The following ZNF346 variants were observed in gnomAD, a reference collection of about 807,000 sequenced individuals.
ZNF346 encodes the protein double-stranded RNA-binding zinc finger protein JAZ.
In ZNF346, 23 loss-of-function variants were observed where a neutral mutation model predicts 33.7. That is an observed-to-expected ratio of 0.68 (90% CI 0.49 to 0.97). The LOEUF (loss-of-function observed/expected upper bound fraction) is 0.97, where lower values mean the gene tolerates loss of function less well. Ranked by LOEUF, ZNF346 falls within the 50% of genes least tolerant of loss-of-function variation. The pLI is 0.00. For synonymous variants in ZNF346, 134 were observed against 142.4 expected, an observed-to-expected ratio of 0.94 and a Z score of 0.42; for missense variants, 340 against 371.1, an observed-to-expected ratio of 0.92 and a Z score of 0.69.
exon 9 of ZNF346, chr5:177,080,335 A>T (rs912657580): frequency 6.6e-6 from 1 of 152,226 alleles, no homozygotes; most frequent in Non-Finnish European, 1.5e-5. Context: ...CATAGCTGCA[A>T]ATATTCATAT....
In ZNF346 at chr5:177,023,247, G is replaced by A. The variant is rs768533894; in HGVS notation, c.175+334G>A. On this transcript the variant is annotated intron_variant, in intron 1 of 6. Transcript: ENST00000358149. ...CTTTGCCATCCCGGTAAGCCAAGCC[G>A]AGTGCCCCTCACCACTCCTTGACTC... 6.6e-6 allele frequency: 10 copies of A among 1,525,722 alleles called. No homozygotes were observed. The African/African-American group carries it at 1.2e-4, about 19-fold the overall frequency. The allele number at this position is 1,525,722 out of a possible 1,614,324, so 94.5% of individuals were successfully genotyped here. A position where few individuals can be genotyped will look rare whatever the true frequency, so the allele number is the denominator to read the frequency against.
chr5:177,046,627 G>A (rs1335365983), intron 4 of ZNF346, among the ~76,000 whole-genome samples: 26 of 152,088 alleles, frequency 1.7e-4, no homozygotes, highest in Non-Finnish European at 1.5e-5. Context: ...AGGAAAACAT[G>A]GATAAATGGA....
chr5:177,033,910 C>G (rs1361307528), intron 1 of ZNF346, among the ~76,000 whole-genome samples: 2 of 152,174 alleles, frequency 1.3e-5, no homozygotes, highest in Admixed American at 1.3e-4. Context: ...GAGACAGGGT[C>G]TCACTCCCTC....
Position 177,022,732 on chromosome 5 carries a change from G to A in ZNF346, c.-7G>A, listed in dbSNP as rs755955615. ...AGGCTCTCTACCGGTGAGGGTTTGCGGGGAAGATGGAGTATCCCGCGCCGG... is the reference window on the plus strand; with the variant it reads ...AGGCTCTCTACCGGTGAGGGTTTGCAGGGAAGATGGAGTATCCCGCGCCGG... On this transcript the variant is annotated 5_prime_UTR_variant, in exon 1 of 7. Coordinates refer to ENST00000358149, the MANE Select transcript of ZNF346 (RefSeq NM_012279.4). 1.8e-5 allele frequency: 28 copies of A among 1,547,832 alleles called. No individual in the cohort carries two copies. The highest frequency in any genetic ancestry group is 2.3e-5 in the Non-Finnish European group (27 of 1,151,760).
intron 1 of ZNF346, among the ~76,000 whole-genome samples, chr5:177,026,129 C>T (rs1201934985): frequency 6.6e-6 from 1 of 151,382 alleles, no homozygotes; most frequent in Admixed American, 6.6e-5. Context: ...CTCAGCGTCC[C>T]GAGTAGCTGG....
At chr5:177,073,626 G>T (rs1783605247) in intron 8 of ZNF346, among the ~76,000 whole-genome samples, 1 of 152,116 alleles carries the variant, frequency 6.6e-6, no homozygotes. Flanking sequence ...TGAGGGAGAT[G>T]ATCCTCTAGT....
chr5:177,023,087 G>C (rs1561951774), intron 1 of ZNF346, 174 bp downstream of exon 1: 1 of 1,448,424 alleles, frequency 6.9e-7, no homozygotes, highest in East Asian at 2.5e-5. Context: ...CGGGCCCCCA[G>C]CGCGCTGAGG....
chr5:177,055,121 C>T (rs1307358224), intron 5 of ZNF346, among the ~76,000 whole-genome samples: 2 of 150,462 alleles, frequency 1.3e-5, no homozygotes, highest in Non-Finnish European at 2.9e-5. Context: ...GCGACCTCTG[C>T]CTCCTGGGTT....
intron 1 of ZNF346, among the ~76,000 whole-genome samples, chr5:177,029,348 C>T (rs780612998): frequency 3.9e-5 from 6 of 152,142 alleles, no homozygotes; most frequent in African/African-American, 1.4e-4. Context: ...TGGGGATAGA[C>T]GCTCCTACAC....
rs779456329 is a variant in ZNF346, at chr5:177,077,851, A to T, written c.*3-1531A>T. On this transcript the variant is annotated intron_variant, in intron 8 of 8. Transcript: ENST00000503039. The surrounding 1 kb of genome is among the most constrained non-coding windows in gnomAD (Gnocchi z 5.0). ...AGGGTGGCCAGGAGGGATCTGAAAGAAAAAGGAATGCCTGGCCAGGCGCGG... is the reference window on the plus strand; with the variant it reads ...AGGGTGGCCAGGAGGGATCTGAAAGTAAAAGGAATGCCTGGCCAGGCGCGG... Among the ~76,000 whole-genome samples, 2 of 152,182 alleles carry T rather than the reference A, an allele frequency of 1.3e-5. No homozygotes were observed. Among genetic ancestry groups the T allele is most frequent in the African/African-American group, 4.8e-5 (2 of 41,456 alleles).
chr5:177,036,452 T>C (rs1778525372), intron 1 of ZNF346, among the ~76,000 whole-genome samples: 1 of 152,204 alleles, frequency 6.6e-6, no homozygotes, highest in Non-Finnish European at 1.5e-5. Context: ...TTTTGTATTG[T>C]TGGATCTGTG....
At chr5:177,047,857 T>G (rs1409405902) in intron 4 of ZNF346, among the ~76,000 whole-genome samples, 1 of 152,148 alleles carries the variant, frequency 6.6e-6, no homozygotes, top group Non-Finnish European at 1.5e-5. Flanking sequence ...CAGGCAGATC[T>G]CTAACTCCTG....
At chr5:177,035,773 C>CT (rs34835721) in intron 1 of ZNF346, among the ~76,000 whole-genome samples, 136,281 of 151,980 alleles carry the variant, frequency 0.9, 61,229 homozygotes, top group East Asian at 0.99. Context: ...GTAGCTGGGA[C>CT]ACAGGCACCT....
intron 4 of ZNF346, among the ~76,000 whole-genome samples, chr5:177,045,043 A>G (rs536147750): frequency 9.2e-5 from 14 of 152,282 alleles, no homozygotes; most frequent in Middle Eastern, 3.4e-3. Flanking sequence ...CTACTGCCCC[A>G]CAATCTGTAA....
intron 1 of ZNF346, among the ~76,000 whole-genome samples, chr5:177,038,461 A>T (rs570503401): frequency 9.2e-4 from 136 of 148,572 alleles, no homozygotes; most frequent in Middle Eastern, 3.5e-3. Flanking sequence ...TCTACCCCGT[A>T]CTCTGCTTGT....
At chr5:177,079,561 C>G (rs1783901446) in exon 9 of ZNF346, 1 of 152,194 alleles carries the variant, frequency 6.6e-6, no homozygotes, top group Admixed American at 6.5e-5. Context: ...GTCCTCAACC[C>G]TGACTTCAGA....
intron 1 of ZNF346, among the ~76,000 whole-genome samples, chr5:177,039,455 CTT>C (rs530601888): frequency 7.6e-5 from 11 of 145,552 alleles, no homozygotes; most frequent in Non-Finnish European, 1.5e-4. Context: ...AGGGCATCGA[CTT>C]TTTTTTTTTT....
intron 1 of ZNF346, among the ~76,000 whole-genome samples, chr5:177,035,959 G>GT (rs201601086): frequency 0.28 from 41,043 of 144,934 alleles, 6,213 homozygotes; most frequent in Middle Eastern, 0.45. Context: ...TTTTATCCAA[G>GT]TTTTTTTTTT....
Position 177,044,369 on chromosome 5 carries a change from G to A in ZNF346, c.373-20G>A, listed in dbSNP as rs369896662. On this transcript the variant is annotated intron_variant, in intron 3 of 6. Transcript: ENST00000358149. ...GTGGGGCAGTGGTATGATCAGACCTGTGTTCTTTCTTCCAACCAGAAGAGC... is the reference window on the plus strand; with the variant it reads ...GTGGGGCAGTGGTATGATCAGACCTATGTTCTTTCTTCCAACCAGAAGAGC... 3.1e-6 allele frequency: 5 copies of A among 1,613,868 alleles called. No homozygotes were observed. Among genetic ancestry groups the A allele is most frequent in the Admixed American group, 1.7e-5 (1 of 60,012 alleles).
Sources: gnomAD v4.1 joint callset for allele counts (sites outside exome capture counted in the v4.1 genomes callset) on GRCh38, gnomAD v4.1.1 for gene constraint, Gnocchi (gnomAD v3.1) non-coding constraint, MANE v1.5 for transcripts, NCBI Gene and HGNC (gene_info 2026-07-23, HGNC 2026-07-21) for gene names.